TBC1D8: variants seen among roughly 807,000 people sequenced by gnomAD.
TBC1D8 encodes TBC1 domain family member 8, also known as BUB2-like protein 1.
TBC1D8 carries 65 observed loss-of-function variants against 118.8 expected under a neutral mutation model. That is an observed-to-expected ratio of 0.55 (90% CI 0.45 to 0.67). The LOEUF is 0.67. Ranked by LOEUF, TBC1D8 falls within the 30% of genes least tolerant of loss-of-function variation. The pLI is 0.00. For synonymous variants in TBC1D8, 566 were observed against 595.8 expected, an observed-to-expected ratio of 0.95 and a Z score of 0.73; for missense variants, 1,376 against 1,471.2, an observed-to-expected ratio of 0.94 and a Z score of 1.06.
chr2:101,117,418 C>T (rs757547094), intron 1 of TBC1D8, among the ~76,000 whole-genome samples: 29 of 152,224 alleles, frequency 1.9e-4, no homozygotes, highest in South Asian at 6.2e-4. Flanking sequence ...AAGTGGATTT[C>T]GTAACCAATT....
At chr2:101,121,917 T>C (rs1188799514) in intron 1 of TBC1D8, among the ~76,000 whole-genome samples, 2 of 151,698 alleles carry the variant, frequency 1.3e-5, no homozygotes, top group Non-Finnish European at 2.9e-5. Flanking sequence ...AATACAAAAA[T>C]CAGCCAGGCA....
chr2:101,060,675 C>T (rs1181188065), intron 2 of TBC1D8, among the ~76,000 whole-genome samples: 1 of 152,186 alleles, frequency 6.6e-6, no homozygotes, highest in African/African-American at 2.4e-5. Flanking sequence ...CATGAAGGGC[C>T]TGGCACACAG....
At chr2:101,051,363 C>T (rs192420248) in intron 4 of TBC1D8, among the ~76,000 whole-genome samples, 2 of 152,260 alleles carry the variant, frequency 1.3e-5, no homozygotes, top group East Asian at 3.9e-4. Context: ...AGCTAATTTA[C>T]ACCAGCAATA....
chr2:101,143,756 T>C, intron 1 of TBC1D8, among the ~76,000 whole-genome samples: 1 of 152,152 alleles, frequency 6.6e-6, no homozygotes, highest in East Asian at 1.9e-4. Context: ...GAGTCAGGAT[T>C]TTGCTATGTT....
At chr2:101,073,256 TTTTA>T (rs1236085892) in intron 2 of TBC1D8, among the ~76,000 whole-genome samples, 1 of 142,698 alleles carries the variant, frequency 7.0e-6, no homozygotes, top group Non-Finnish European at 1.5e-5. Context: ...ATCTACATTG[TTTTA>T]TTTTTTTTAT....
intron 1 of TBC1D8, among the ~76,000 whole-genome samples, chr2:101,139,505 A>AC (rs2104275159): frequency 6.6e-6 from 1 of 151,588 alleles, no homozygotes; most frequent in South Asian, 2.1e-4. Flanking sequence ...TGCAGAGCAG[A>AC]CCCCTCCCTC....
At chr2:101,090,906 C>T (rs1348397093) in intron 1 of TBC1D8, among the ~76,000 whole-genome samples, 1 of 152,178 alleles carries the variant, frequency 6.6e-6, no homozygotes, top group Non-Finnish European at 1.5e-5. Flanking sequence ...CTATGTCACC[C>T]ATTATTATTA....
intron 14 of TBC1D8, among the ~76,000 whole-genome samples, 176 bp downstream of exon 14, chr2:101,027,872 C>A (rs1337995787): frequency 6.6e-6 from 1 of 152,246 alleles, no homozygotes. Flanking sequence ...GTACACTCAC[C>A]ACCTGGCTCC....
At chr2:101,076,847 G>C (rs778473487) in intron 2 of TBC1D8, among the ~76,000 whole-genome samples, 1 of 152,144 alleles carries the variant, frequency 6.6e-6, no homozygotes, top group East Asian at 1.9e-4. Context: ...TGATGTATTA[G>C]TCTGTTCCCA....
At position 101,008,156 on chromosome 2, in the gene TBC1D8, C is replaced by T; in HGVS notation, c.3133G>A (p.Val1045Met). 1 of 1,613,862 alleles carries T rather than the reference C, an allele frequency of 6.2e-7. No homozygotes were observed. The highest frequency in any genetic ancestry group is 8.5e-7 in the Non-Finnish European group (1 of 1,179,818). Residue 1045 changes from valine to methionine, a missense_variant, in exon 20 of 20, where the codon GTG becomes ATG. Transcript: ENST00000409318. ...VTTLLLQIGEVGQRGSSSGSC... is the reference protein window; with the variant it reads ...VTTLLLQIGEMGQRGSSSGSC... ...CCAGAGCTGCTGCCTCGCTGCCCCA[C>T]CTCCCCGATCTGCAGCAGCAGTGTG...
At chr2:101,009,415 A>C (rs1000833193) in intron 19 of TBC1D8, among the ~76,000 whole-genome samples, 35 of 85,538 alleles carry the variant, frequency 4.1e-4, no homozygotes, top group Non-Finnish European at 8.9e-4. Flanking sequence ...CCAAAAAAAA[A>C]AAAAAAAAGA....
chr2:101,057,948 C>T (rs923289904), intron 3 of TBC1D8, among the ~76,000 whole-genome samples: 1 of 152,178 alleles, frequency 6.6e-6, no homozygotes, highest in African/African-American at 2.4e-5. Flanking sequence ...CTACAGAAGC[C>T]GTTTTAAAAT....
chr2:101,012,858 A>C (rs949076501), intron 17 of TBC1D8, among the ~76,000 whole-genome samples: 1 of 152,348 alleles, frequency 6.6e-6, no homozygotes, highest in Admixed American at 6.5e-5. Context: ...AAAGCTTTGG[A>C]AAGCTACCCT....
Position 101,125,945 on chromosome 2 carries a change from C to A in TBC1D8, c.127+25182G>T, listed in dbSNP as rs544887334. On this transcript the variant is annotated intron_variant, in intron 1 of 19. Coordinates refer to ENST00000409318, the MANE Select transcript of TBC1D8 (RefSeq NM_001330348.2). The stretch of plus-strand genomic sequence containing the variant: ...AACTCCATTCTCCTTCCCCTTGAGT[C>A]CCTATTAGGTTATAATGCTGTCTTA... Among the ~76,000 whole-genome samples the A allele has an allele frequency of 1.8e-3, 268 of 152,142 alleles. 1 individual carries two copies. Among genetic ancestry groups the A allele is most frequent in the Non-Finnish European group, 2.9e-3 (197 of 68,022 alleles).
intron 2 of TBC1D8, among the ~76,000 whole-genome samples, chr2:101,085,198 T>TA (rs1675530944): frequency 6.6e-6 from 1 of 152,034 alleles, no homozygotes; most frequent in African/African-American, 2.4e-5. Context: ...TTTAAACTAT[T>TA]AAAAAATCCA....
intron 1 of TBC1D8, 88 bp from the exon 2 acceptor site, chr2:101,090,452 C>A: frequency 7.0e-7 from 1 of 1,426,248 alleles, no homozygotes; most frequent in Non-Finnish European, 9.7e-7. Flanking sequence ...GCTGTCTGGA[C>A]TCCATGCTGG....
chr2:101,112,821 G>C (rs1012217738), intron 1 of TBC1D8, among the ~76,000 whole-genome samples: 1 of 152,122 alleles, frequency 6.6e-6, no homozygotes, highest in African/African-American at 2.4e-5. Context: ...ATGAAGACTA[G>C]AACAATATGA....
Position 101,097,060 on chromosome 2 carries a change from G to A in TBC1D8, c.128-6696C>T, listed in dbSNP as rs182216009. ...AAATTGCAGAAATGAAAGATGAAGA[G>A]AATGTTCTAAAAGAAGCCATAGGGG... On this transcript the variant is annotated intron_variant, in intron 1 of 19. Transcript: ENST00000409318. 1.3e-3 allele frequency among the ~76,000 whole-genome samples: 199 copies of A among 152,154 alleles called. 1 individual carries two copies. Among genetic ancestry groups the A allele is most frequent in the Admixed American group, 4.4e-3 (67 of 15,264 alleles).
At chr2:101,076,346 G>T (rs1176767180) in intron 2 of TBC1D8, among the ~76,000 whole-genome samples, 1 of 152,222 alleles carries the variant, frequency 6.6e-6, no homozygotes, top group East Asian at 1.9e-4. Flanking sequence ...GGGGGAGAAT[G>T]CAATGGAAGC....
Sources: allele counts gnomAD v4.1 joint callset (sites outside exome capture counted in the v4.1 genomes callset), GRCh38; gene constraint gnomAD v4.1.1; transcripts MANE v1.5; gene names NCBI Gene and HGNC (gene_info 2026-07-23, HGNC 2026-07-21).